The following DCUN1D4 variants were observed in gnomAD, a reference collection of about 807,000 sequenced individuals.
The protein encoded by DCUN1D4 is DCN1-like protein 4.
DCUN1D4 carries 22 observed loss-of-function variants against 47.9 expected under a neutral mutation model. The ratio of observed to expected loss-of-function variants is 0.46; its 90% CI spans 0.33 to 0.66. The LOEUF (loss-of-function observed/expected upper bound fraction) is 0.66. Among genes scored for constraint, DCUN1D4 ranks in the 30% least tolerant of loss-of-function variants. DCUN1D4 has a pLI of 0.02. For missense variants in DCUN1D4, 301 were observed against 340.8 expected, an observed-to-expected ratio of 0.88 and a Z score of 0.92; for synonymous variants, 121 against 112.2, an observed-to-expected ratio of 1.08 and a Z score of -0.50.
chr4:51,892,436 G>T (rs1730571445), intron 7 of DCUN1D4, among the ~76,000 whole-genome samples: 1 of 152,154 alleles, frequency 6.6e-6, no homozygotes, highest in Non-Finnish European at 1.5e-5. Context: ...GAGCTTAAAA[G>T]GCAAAGACTT....
At chr4:51,878,692 C>T (rs1192678893) in intron 5 of DCUN1D4, among the ~76,000 whole-genome samples, 2 of 152,234 alleles carry the variant, frequency 1.3e-5, no homozygotes, top group Non-Finnish European at 2.9e-5. Context: ...AGAGAGTGAA[C>T]TCCCCGTGCC....
chr4:51,897,099 C>T (rs1399978037), intron 7 of DCUN1D4, among the ~76,000 whole-genome samples: 1 of 152,172 alleles, frequency 6.6e-6, no homozygotes, highest in Non-Finnish European at 1.5e-5. Context: ...ATATCTAGTT[C>T]CTGCTTATCT....
At chr4:51,860,577 G>C in intron 1 of DCUN1D4, 1 of 455,356 alleles carries the variant, frequency 2.2e-6, no homozygotes, top group Non-Finnish European at 4.4e-6. Context: ...CATCTGCTTG[G>C]CTTCTAGAGA....
chr4:51,837,671 A>G, the DCUN1D4 span, among the ~76,000 whole-genome samples: 1 of 150,194 alleles, frequency 6.7e-6, no homozygotes, highest in Non-Finnish European at 1.5e-5. Flanking sequence ...AAAAAAAAAA[A>G]AAAAAAAAAA....
intron 1 of DCUN1D4, chr4:51,844,760 G>A: frequency 4.4e-6 from 4 of 902,934 alleles, no homozygotes; most frequent in Non-Finnish European, 5.3e-6. Flanking sequence ...AAGGGGAAAG[G>A]CGGTCCCGCC....
intron 8 of DCUN1D4, among the ~76,000 whole-genome samples, chr4:51,910,440 A>G (rs893081452): frequency 1.3e-5 from 2 of 152,046 alleles, no homozygotes; most frequent in African/African-American, 2.4e-5. Flanking sequence ...TAAGAAATCT[A>G]TCTATCTATC....
intron 1 of DCUN1D4, chr4:51,848,146 G>T: frequency 3.2e-6 from 4 of 1,246,000 alleles, no homozygotes; most frequent in Admixed American, 2.3e-5. Flanking sequence ...CTCATTCTTT[G>T]CATTTTTTAG....
intron 1 of DCUN1D4, chr4:51,848,318 G>A (rs535449677): frequency 2.3e-6 from 3 of 1,287,122 alleles, no homozygotes; most frequent in African/African-American, 3.0e-5. Flanking sequence ...TCCGTTTCTG[G>A]TCTCTCGTGT....
At chr4:51,843,406 C>CCGGGGCCGGGGCGGG (rs1721903615) in intron 1 of DCUN1D4, 139 bp downstream of exon 1, 6 of 1,275,724 alleles carry the variant, frequency 4.7e-6, no homozygotes, top group Non-Finnish European at 6.0e-6. Context: ...CCTTCCCCTC[C>CCGGGGCCGGGGCGGG]CGGGGCCGGG....
chr4:51,849,901 A>G (rs531474686), intron 1 of DCUN1D4, among the ~76,000 whole-genome samples: 7 of 152,164 alleles, frequency 4.6e-5, no homozygotes, highest in Middle Eastern at 3.4e-3. Flanking sequence ...TTAGCCAAAA[A>G]TTACATCTGA....
intron 8 of DCUN1D4, among the ~76,000 whole-genome samples, chr4:51,900,862 A>G (rs913554062): frequency 4.0e-5 from 6 of 151,868 alleles, no homozygotes; most frequent in Non-Finnish European, 7.4e-5. Flanking sequence ...AATCAGCTCT[A>G]TTTTCTAACT....
intron 3 of DCUN1D4, chr4:51,865,203 G>T: frequency 4.8e-6 from 1 of 206,614 alleles, no homozygotes; most frequent in Non-Finnish European, 1.0e-5. Flanking sequence ...AAATAAAACA[G>T]TACAGCACCA....
chr4:51,909,133 T>C (rs1472992764), intron 8 of DCUN1D4, among the ~76,000 whole-genome samples: 2 of 152,160 alleles, frequency 1.3e-5, no homozygotes, highest in African/African-American at 4.8e-5. Context: ...CTTTTGTATC[T>C]TTTTTTTCTT....
intron 1 of DCUN1D4, among the ~76,000 whole-genome samples, chr4:51,856,675 G>A (rs1275997940): frequency 3.3e-5 from 5 of 152,176 alleles, no homozygotes; most frequent in Admixed American, 2.0e-4. Flanking sequence ...CTCTGACTCC[G>A]CTCAAGCTAA....
chr4:51,905,255 G>C, intron 8 of DCUN1D4: 2 of 450,450 alleles, frequency 4.4e-6, no homozygotes, highest in South Asian at 1.6e-5. Flanking sequence ...GTCAATGTAG[G>C]ATGATGAGAT....
chr4:51,835,996 T>C, the DCUN1D4 span, among the ~76,000 whole-genome samples: 1 of 152,230 alleles, frequency 6.6e-6, no homozygotes, highest in African/African-American at 2.4e-5. Flanking sequence ...CCTGAAACTG[T>C]TCACTTAACC....
intron 8 of DCUN1D4, among the ~76,000 whole-genome samples, chr4:51,900,954 C>T (rs778197486): frequency 6.6e-6 from 1 of 152,136 alleles, no homozygotes; most frequent in South Asian, 2.1e-4. Context: ...CCCTGGCTAA[C>T]GTCCTGTTCT....
At chr4:51,875,806 T>G (rs1310285105) in intron 4 of DCUN1D4, among the ~76,000 whole-genome samples, 1 of 152,266 alleles carries the variant, frequency 6.6e-6, no homozygotes, top group Non-Finnish European at 1.5e-5. Flanking sequence ...TCTTTTTATT[T>G]GCTGAATGGT....
intron 1 of DCUN1D4, among the ~76,000 whole-genome samples, chr4:51,858,529 G>A (rs553137164): frequency 1.3e-5 from 2 of 152,296 alleles, no homozygotes; most frequent in Admixed American, 6.5e-5. Flanking sequence ...TGTAACTATT[G>A]GGTGAGGTGG....
Sources: allele counts gnomAD v4.1 joint callset (sites outside exome capture counted in the v4.1 genomes callset), GRCh38; gene constraint gnomAD v4.1.1; transcripts MANE v1.5; gene names NCBI Gene and HGNC (gene_info 2026-07-23, HGNC 2026-07-21).